SYT2: variants seen among roughly 807,000 people sequenced by gnomAD.
SYT2 encodes the protein synaptotagmin-2.
SYT2 carries 15 observed loss-of-function variants against 39.9 expected under a neutral mutation model. That is an observed-to-expected ratio of 0.38 (90% CI 0.25 to 0.58). The LOEUF (loss-of-function observed/expected upper bound fraction) is 0.58, where lower values mean the gene tolerates loss of function less well. SYT2 is among the 20% of genes least tolerant of loss of function. SYT2 has a pLI of 0.70. For missense variants in SYT2, 389 were observed against 530.3 expected (o/e 0.73, Z 2.62); for synonymous variants, 181 against 204.5 (o/e 0.89, Z 0.98).
chr1:202,698,868 G>A (rs548905601), intron 1 of SYT2, among the ~76,000 whole-genome samples: 8 of 152,238 alleles, frequency 5.3e-5, no homozygotes, highest in African/African-American at 1.9e-4. Flanking sequence ...GCTCAATGAG[G>A]AGCTTTAGGT....
intron 1 of SYT2, among the ~76,000 whole-genome samples, chr1:202,700,983 T>A (rs969864646): frequency 3.9e-5 from 6 of 152,232 alleles, no homozygotes; most frequent in African/African-American, 1.2e-4. Context: ...TTTTGTGACA[T>A]CATTCATTTA....
Position 202,599,089 on chromosome 1 carries a change from A to G in SYT2, c.1053+129T>C. The G allele has an allele frequency of 7.7e-7, 1 of 1,291,758 alleles. No individual in the cohort carries two copies. Among genetic ancestry groups the G allele is most frequent in the African/African-American group, 1.5e-5 (1 of 65,606 alleles). The allele number at this position is 1,291,758 out of a possible 1,614,324, so 80.0% of individuals were successfully genotyped here. On this transcript the variant is annotated intron_variant, in intron 8 of 8. Coordinates refer to ENST00000367268, the MANE Select transcript of SYT2 (RefSeq NM_177402.5). The surrounding 1 kb of genome is among the most constrained non-coding windows in gnomAD (Gnocchi z 4.4). ...GGAGGCCCCACCCAGGCACCATTAGACCTCGAGCCTTCCCCTACCAAGAAA... is the reference window on the plus strand; with the variant it reads ...GGAGGCCCCACCCAGGCACCATTAGGCCTCGAGCCTTCCCCTACCAAGAAA...
At chr1:202,604,758 C>T (rs1237742950) in intron 2 of SYT2, 137 bp from the exon 3 acceptor site, 3 of 761,760 alleles carry the variant, frequency 3.9e-6, no homozygotes, top group East Asian at 5.4e-5. Flanking sequence ...AAGCCACACA[C>T]CCATGAGTGA....
intron 1 of SYT2, among the ~76,000 whole-genome samples, chr1:202,650,056 G>C (rs1331399896): frequency 6.6e-6 from 1 of 152,260 alleles, no homozygotes; most frequent in Non-Finnish European, 1.5e-5. Context: ...CTAGACTCGA[G>C]CCAGACATGT....
At chr1:202,673,044 T>C (rs1349342741) in intron 1 of SYT2, among the ~76,000 whole-genome samples, 1 of 152,104 alleles carries the variant, frequency 6.6e-6, no homozygotes, top group Non-Finnish European at 1.5e-5. Context: ...AAACGTTTGC[T>C]AGTGTGTAAA....
intron 1 of SYT2, among the ~76,000 whole-genome samples, chr1:202,649,994 A>T (rs1188190264): frequency 1.3e-5 from 2 of 152,184 alleles, no homozygotes; most frequent in Non-Finnish European, 2.9e-5. Flanking sequence ...GATCTTCTCC[A>T]TCCCCTCCGT....
In SYT2 at chr1:202,679,216, T is replaced by TTCTC. The variant is rs540032826; in HGVS notation, c.-18+31038_-18+31041dup. On this transcript the variant is annotated intron_variant, in intron 1 of 8. Transcript: ENST00000367268. ...CCCCCAGAGGTCTCTGCCGACTCCC[T>TTCTC]TCTCTGTCTCCCTCCTGTTCCCTTC... is the stretch of plus-strand genomic sequence containing the variant. Among the ~76,000 whole-genome samples the TTCTC allele has an allele frequency of 3.1e-3, 479 of 152,266 alleles. 7 individuals are homozygous for TTCTC. The highest frequency in any genetic ancestry group is 0.031 in the South Asian group (149 of 4,812).
intron 1 of SYT2, among the ~76,000 whole-genome samples, chr1:202,626,790 C>G (rs1450539521): frequency 6.6e-6 from 1 of 152,142 alleles, no homozygotes; most frequent in Non-Finnish European, 1.5e-5. Flanking sequence ...ACAGCCAGGG[C>G]TGCTTTCCAA....
chr1:202,630,186 A>G (rs1332203002), intron 1 of SYT2, among the ~76,000 whole-genome samples: 1 of 152,198 alleles, frequency 6.6e-6, no homozygotes, highest in Non-Finnish European at 1.5e-5. Flanking sequence ...ACACTGGTGC[A>G]TATATCCATA....
rs911788590 is a variant in SYT2, at chr1:202,614,122, C to T, written c.-17-8333G>A. On this transcript the variant is annotated intron_variant, in intron 1 of 8. Coordinates refer to ENST00000367268, the MANE Select transcript of SYT2 (RefSeq NM_177402.5). This position sits in a 1 kb window ranked among gnomAD's most constrained non-coding sequence, Gnocchi z 4.0. ...AGGCCTTCTCTCCAGACTGACCGTC[C>T]AGAAATGGTCCTGTAGCAAAGTAAA... Among the ~76,000 whole-genome samples the T allele has an allele frequency of 6.6e-6, 1 of 152,132 alleles. No homozygotes were observed. Among genetic ancestry groups the T allele is most frequent in the Non-Finnish European group, 1.5e-5 (1 of 68,040 alleles).
chr1:202,673,879 A>G (rs4950866), intron 1 of SYT2, among the ~76,000 whole-genome samples: 81,340 of 152,106 alleles, frequency 0.53, 24,101 homozygotes, highest in East Asian at 0.79. Flanking sequence ...CTCATTTGCC[A>G]TTAGAAGCCT....
intron 1 of SYT2, among the ~76,000 whole-genome samples, chr1:202,616,858 C>A (rs1572627284): frequency 6.6e-6 from 1 of 152,222 alleles, no homozygotes; most frequent in Non-Finnish European, 1.5e-5. Context: ...CTGTCAGAGT[C>A]AAGCCACTTC....
intron 1 of SYT2, among the ~76,000 whole-genome samples, chr1:202,638,866 GC>G (rs1305053594): frequency 6.6e-6 from 1 of 152,208 alleles, no homozygotes; most frequent in African/African-American, 2.4e-5. Flanking sequence ...GACCAGTGGG[GC>G]TGGCTATTGT....
chr1:202,606,468 T>TC (rs1474548391), intron 1 of SYT2, among the ~76,000 whole-genome samples: 1 of 152,176 alleles, frequency 6.6e-6, no homozygotes, highest in Non-Finnish European at 1.5e-5. Flanking sequence ...TCTGCCCAGC[T>TC]CCATGACACT....
chr1:202,667,459 G>A (rs1692499972), intron 1 of SYT2, among the ~76,000 whole-genome samples: 2 of 147,756 alleles, frequency 1.4e-5, no homozygotes, highest in South Asian at 4.3e-4. Flanking sequence ...ACAGGCAAGT[G>A]ACCAGCCGTG....
chr1:202,605,724 T>A lies in SYT2; in HGVS notation c.49A>T (p.Thr17Ser), dbSNP rs75160100. Residue 17 changes from threonine (T) to serine (S), a missense_variant, in exon 2 of 9, where the codon ACC becomes TCC. Around this residue, in one of 4 missense-constraint regions of SYT2, gnomAD observed 280 missense variants for 335.6 expected, o/e 0.83. Transcript: ENST00000367268. ...CCAATGGGCATCGTGGCGGTGGTGG[T>A]GGCAGGAGCCACAATAGGCTCCTGG... ...RNQEPIVAPA[T>S]TTATMPIGPV... 1 of 1,613,702 alleles carries A rather than the reference T, an allele frequency of 6.2e-7. No individual in the cohort carries two copies. Among genetic ancestry groups the A allele is most frequent in the Non-Finnish European group, 8.5e-7 (1 of 1,179,950 alleles).
At chr1:202,598,970 G>A (rs1418162224) in intron 8 of SYT2, among the ~76,000 whole-genome samples, 1 of 152,126 alleles carries the variant, frequency 6.6e-6, no homozygotes, top group Admixed American at 6.5e-5. Flanking sequence ...CATGACCATG[G>A]TCCTTCAAGT....
intron 1 of SYT2, among the ~76,000 whole-genome samples, chr1:202,692,438 G>A (rs973199677): frequency 6.6e-6 from 1 of 152,234 alleles, no homozygotes; most frequent in African/African-American, 2.4e-5. Flanking sequence ...ACAAGCTGGA[G>A]AAAGATGCAA....
intron 1 of SYT2, among the ~76,000 whole-genome samples, chr1:202,626,138 G>A (rs113954835): frequency 0.014 from 2,082 of 152,274 alleles, 27 homozygotes; most frequent in Non-Finnish European, 0.021. Flanking sequence ...GGAAGCTGGG[G>A]TGATAGCTAC....
Sources: allele counts gnomAD v4.1 joint callset (sites outside exome capture counted in the v4.1 genomes callset), GRCh38; gene constraint gnomAD v4.1.1; regional missense constraint gnomAD v4.1.1; non-coding constraint Gnocchi (gnomAD v3.1); transcripts MANE v1.5; gene names NCBI Gene and HGNC (gene_info 2026-07-23, HGNC 2026-07-21).